Variants in MACROD2 observed in about 807,000 individuals in gnomAD.
The protein encoded by MACROD2 is ADP-ribose glycohydrolase MACROD2.
Under a neutral mutation model 70.4 loss-of-function variants are expected in MACROD2, and 36 were observed. The ratio of observed to expected loss-of-function variants is 0.51; its 90% confidence interval spans 0.39 to 0.68. The LOEUF is 0.68. MACROD2 is among the 30% of genes least tolerant of loss of function. The pLI is 0.00. For synonymous variants in MACROD2, 172 were observed against 178.8 expected, an observed-to-expected ratio of 0.96 and a Z score of 0.30; for missense variants, 496 against 538.4, an observed-to-expected ratio of 0.92 and a Z score of 0.78.
intron 8 of MACROD2, among the ~76,000 whole-genome samples, chr20:15,784,626 T>C (rs1204395811): frequency 6.6e-6 from 1 of 152,130 alleles, no homozygotes; most frequent in Non-Finnish European, 1.5e-5. Context: ...TATTCAGTTT[T>C]TTTGGCAAAA....
chr20:15,808,362 C>G (rs1171905599), intron 8 of MACROD2, among the ~76,000 whole-genome samples: 1 of 152,100 alleles, frequency 6.6e-6, no homozygotes, highest in African/African-American at 2.4e-5. Flanking sequence ...AACATTGTAC[C>G]TATGAATCTG....
intron 8 of MACROD2, among the ~76,000 whole-genome samples, chr20:15,599,822 A>G (rs191188874): frequency 2.0e-5 from 3 of 152,302 alleles, no homozygotes; most frequent in East Asian, 1.9e-4. Flanking sequence ...GAGGACAGCC[A>G]TGGCTATTAG....
At chr20:15,186,187 G>A (rs1601193086) in intron 5 of MACROD2, among the ~76,000 whole-genome samples, 1 of 152,022 alleles carries the variant, frequency 6.6e-6, no homozygotes, top group East Asian at 1.9e-4. Flanking sequence ...CACATTTTGG[G>A]GGTATCTGCT....
chr20:14,281,308 A>C (rs1392695397), intron 3 of MACROD2, among the ~76,000 whole-genome samples: 1 of 152,216 alleles, frequency 6.6e-6, no homozygotes, highest in Non-Finnish European at 1.5e-5. Context: ...TGCTAAAAGA[A>C]TACAGACACA....
chr20:15,110,722 A>G (rs1348145477), intron 5 of MACROD2, among the ~76,000 whole-genome samples: 2 of 152,186 alleles, frequency 1.3e-5, no homozygotes, highest in Non-Finnish European at 2.9e-5. Flanking sequence ...GCGAGGGACT[A>G]TGCGTGTCTC....
At chr20:15,319,702 G>C (rs947642923) in intron 6 of MACROD2, among the ~76,000 whole-genome samples, 1 of 152,114 alleles carries the variant, frequency 6.6e-6, no homozygotes, top group Admixed American at 6.6e-5. Flanking sequence ...GAAGCACTAC[G>C]CACAATAGCC....
intron 13 of MACROD2, 111 bp downstream of exon 13, chr20:15,967,741 AATAAC>A (rs2066165960): frequency 2.2e-6 from 2 of 927,690 alleles, no homozygotes; most frequent in Admixed American, 5.7e-5. Context: ...ATTGAATTCC[AATAAC>A]ACTTTATTAG....
intron 5 of MACROD2, among the ~76,000 whole-genome samples, chr20:14,813,977 CCAG>C (rs1301951671): frequency 6.6e-5 from 10 of 152,036 alleles, no homozygotes; most frequent in African/African-American, 2.4e-4. Context: ...TAACCAGCAA[CCAG>C]CTATCTCATT....
chr20:15,021,281 C>T lies in MACROD2; in HGVS notation c.419-208659C>T, dbSNP rs146607851. On this transcript the variant is annotated intron_variant, in intron 5 of 17. Coordinates refer to ENST00000684519, the MANE Select transcript of MACROD2 (RefSeq NM_001351661.2). ...ACACACCTGTGTGTGTGTATACGCA[C>T]ACCTGTGTGTGTGTATATGCACATA... Among the ~76,000 whole-genome samples, 75 of 101,752 alleles carry T rather than the reference C, an allele frequency of 7.4e-4. 7 individuals are homozygous for T. The highest frequency in any genetic ancestry group is 1.1e-3 in the Non-Finnish European group (49 of 44,762). The allele number at this position is 101,752 out of a possible 152,430, so 66.8% of individuals were successfully genotyped here.
At chr20:14,808,965 T>G (rs1228154571) in intron 5 of MACROD2, among the ~76,000 whole-genome samples, 2 of 152,070 alleles carry the variant, frequency 1.3e-5, no homozygotes, top group Non-Finnish European at 2.9e-5. Context: ...ACAAAGAGAC[T>G]TAGACTCCTA....
At chr20:14,263,091 C>A (rs1356505980) in intron 3 of MACROD2, among the ~76,000 whole-genome samples, 2 of 151,996 alleles carry the variant, frequency 1.3e-5, no homozygotes, top group Non-Finnish European at 2.9e-5. Flanking sequence ...TATCAAGGAA[C>A]CATGTGGAGG....
intron 3 of MACROD2, among the ~76,000 whole-genome samples, chr20:14,275,805 C>A (rs1376569159): frequency 5.3e-5 from 8 of 151,938 alleles, no homozygotes; most frequent in South Asian, 2.1e-4. Context: ...ACCCCATCAA[C>A]AAGTGGGCGA....
intron 5 of MACROD2, among the ~76,000 whole-genome samples, chr20:15,085,911 C>G (rs62202806): frequency 1.4e-5 from 2 of 144,194 alleles, no homozygotes; most frequent in South Asian, 2.2e-4. Context: ...CACACACACA[C>G]AGATTTTTTC....
intron 5 of MACROD2, among the ~76,000 whole-genome samples, chr20:14,755,340 C>A (rs547139064): frequency 5.1e-4 from 77 of 152,108 alleles, no homozygotes; most frequent in African/African-American, 1.8e-3. Context: ...TGGGGCATTT[C>A]GGATGAGGTT....
chr20:15,191,927 T>G (rs62202858), intron 5 of MACROD2, among the ~76,000 whole-genome samples: 49 of 53,594 alleles, frequency 9.1e-4, no homozygotes, highest in East Asian at 3.1e-3. Context: ...TATATATATA[T>G]ATATAGAGAG....
chr20:15,898,138 T>G (rs2065002159), intron 10 of MACROD2, among the ~76,000 whole-genome samples: 1 of 152,122 alleles, frequency 6.6e-6, no homozygotes, highest in African/African-American at 2.4e-5. Flanking sequence ...ATGCTAAAAC[T>G]GACATAGGCA....
At chr20:15,647,966 G>A (rs6043412) in intron 8 of MACROD2, among the ~76,000 whole-genome samples, 67 of 152,230 alleles carry the variant, frequency 4.4e-4, no homozygotes, top group African/African-American at 1.5e-3. Context: ...TAATCTGCCC[G>A]CCTTGGCCTC....
intron 5 of MACROD2, among the ~76,000 whole-genome samples, chr20:14,898,679 G>A (rs1034094954): frequency 2.0e-5 from 3 of 152,178 alleles, no homozygotes; most frequent in Non-Finnish European, 4.4e-5. Flanking sequence ...ACTCTTGCCT[G>A]TGCTGGAATT....
At chr20:14,236,934 C>T (rs2081879640) in intron 3 of MACROD2, among the ~76,000 whole-genome samples, 1 of 151,948 alleles carries the variant, frequency 6.6e-6, no homozygotes, top group South Asian at 2.1e-4. Context: ...TTCTTTATTG[C>T]CAAAATTTGT....
Sources: gnomAD v4.1 joint callset for allele counts (sites outside exome capture counted in the v4.1 genomes callset) on GRCh38, gnomAD v4.1.1 for gene constraint, MANE v1.5 for transcripts, NCBI Gene and HGNC (gene_info 2026-07-23, HGNC 2026-07-21) for gene names.